SFXN5: variants seen among roughly 807,000 people sequenced by gnomAD.
SFXN5 encodes sideroflexin-5.
SFXN5 carries 43 observed loss-of-function variants against 50.2 expected under a neutral mutation model. The ratio of observed to expected loss-of-function variants is 0.86; its 90% confidence interval spans 0.67 to 1.11. The LOEUF is 1.11. Ranked by LOEUF, SFXN5 falls within the 50% of genes least tolerant of loss-of-function variation. The pLI, the probability that SFXN5 is intolerant of heterozygous loss-of-function variation, is 0.00. For synonymous variants in SFXN5, 203 were observed against 185.8 expected (o/e 1.09, Z -0.75); for missense variants, 463 against 454.1 (o/e 1.02, Z -0.18).
chr2:73,050,392 GCA>G (rs35090808), intron 2 of SFXN5, among the ~76,000 whole-genome samples: 15 of 146,564 alleles, frequency 1.0e-4, no homozygotes, highest in Non-Finnish European at 1.2e-4. Context: ...CACAGCGCAC[GCA>G]CACACACACA....
rs1450207113 is a variant in SFXN5 at position 73,000,451 on chromosome 2, C to A, written c.448G>T (p.Ala150Ser). 1 of 1,560,282 alleles carries A rather than the reference C, an allele frequency of 6.4e-7. No homozygotes were observed. The highest frequency in any genetic ancestry group is 1.2e-5 in the South Asian group (1 of 84,756). ...NQSHNACVNY[A>S]NRNATKPSPA... ...CTCACCTTGGTCGCATTGCGGTTTG[C>A]ATAGTTGACACAGGCATTGTGGCTC... is the stretch of plus-strand genomic sequence containing the variant. Residue 150 changes from alanine (A) to serine (S), a missense_variant, in exon 8 of 14, where the codon GCA (alanine) becomes TCA (serine). Physicochemically the swap from Ala to Ser is moderately conservative, Grantham distance 99. Coordinates refer to ENST00000272433, the MANE Select transcript of SFXN5 (RefSeq NM_144579.3).
At chr2:73,047,770 G>A (rs902032098) in intron 2 of SFXN5, among the ~76,000 whole-genome samples, 23 of 152,056 alleles carry the variant, frequency 1.5e-4, no homozygotes, top group African/African-American at 5.6e-4. Flanking sequence ...TCTTGAGTAT[G>A]TCCTTATTAG....
intron 2 of SFXN5, among the ~76,000 whole-genome samples, chr2:73,052,437 GTTCT>G (rs1313344851): frequency 1.3e-5 from 2 of 151,290 alleles, no homozygotes; most frequent in African/African-American, 4.9e-5. Flanking sequence ...ACATCACATA[GTTCT>G]TTGTCTTTTC....
intron 6 of SFXN5, among the ~76,000 whole-genome samples, chr2:73,011,630 G>T (rs950617324): frequency 6.6e-6 from 1 of 152,066 alleles, no homozygotes; most frequent in Admixed American, 6.5e-5. Context: ...TCAGAGAAGG[G>T]GGAATACAAA....
rs1301779181 is a variant in SFXN5 at position 72,961,106 on chromosome 2, T to C, written c.945+25A>G. 1.4e-5 allele frequency: 21 copies of C among 1,490,676 alleles called. No individual in the cohort carries two copies. In the East Asian group the frequency reaches 5.4e-4, roughly 39 times the overall value. 92.3% of individuals were successfully genotyped at this position (1,490,676 alleles called of 1,614,324 possible). The stretch of plus-strand genomic sequence containing the variant: ...CCAAACAGCACCCCCTGCCCTGCCC[T>C]GCCCTTGAGCCCCTCCCCACTGACC... On this transcript the variant is annotated intron_variant, in intron 13 of 13. Transcript: ENST00000272433. This position sits in a 1 kb window ranked among gnomAD's most constrained non-coding sequence, Gnocchi z 4.4.
intron 8 of SFXN5, among the ~76,000 whole-genome samples, chr2:72,999,817 T>C (rs970936659): frequency 2.6e-5 from 4 of 152,166 alleles, no homozygotes; most frequent in African/African-American, 9.7e-5. Flanking sequence ...CATCCTGCCT[T>C]CTTTGCCTTT....
chr2:72,974,401 A>G (rs1257322917), intron 10 of SFXN5, among the ~76,000 whole-genome samples: 1 of 152,200 alleles, frequency 6.6e-6, no homozygotes, highest in Non-Finnish European at 1.5e-5. Flanking sequence ...TGAAAGATGA[A>G]GCATGAAAGG....
chr2:73,033,130 T>G (rs1021317264), intron 3 of SFXN5, among the ~76,000 whole-genome samples: 1 of 152,242 alleles, frequency 6.6e-6, no homozygotes, highest in African/African-American at 2.4e-5. Context: ...CTGAGCCTCC[T>G]CTTCCTCATT....
chr2:73,058,828 G>T (rs889037282), intron 1 of SFXN5, among the ~76,000 whole-genome samples: 4 of 152,066 alleles, frequency 2.6e-5, no homozygotes, highest in African/African-American at 9.7e-5. Context: ...AGGCCCATCT[G>T]CTCTTCCAGG....
intron 12 of SFXN5, among the ~76,000 whole-genome samples, chr2:72,968,146 C>CAT (rs1433287041): frequency 1.1e-4 from 16 of 151,444 alleles, no homozygotes; most frequent in African/African-American, 3.4e-4. Flanking sequence ...CACACACACA[C>CAT]ACACACACAC....
At chr2:72,967,698 A>G (rs963117966) in intron 12 of SFXN5, among the ~76,000 whole-genome samples, 3 of 151,980 alleles carry the variant, frequency 2.0e-5, no homozygotes, top group Non-Finnish European at 4.4e-5. Context: ...GGGTCTCCTC[A>G]CTGTCAACTG....
At chr2:73,037,494 A>C (rs1009695154) in intron 3 of SFXN5, among the ~76,000 whole-genome samples, 6 of 152,220 alleles carry the variant, frequency 3.9e-5, no homozygotes, top group African/African-American at 1.4e-4. Context: ...GCAATTAAAA[A>C]TTTTGCCAGA....
intron 7 of SFXN5, among the ~76,000 whole-genome samples, chr2:73,001,075 C>G (rs1673848604): frequency 1.3e-5 from 2 of 152,236 alleles, no homozygotes. Flanking sequence ...AGACTGTCTC[C>G]AAGAGCAGGG....
chr2:73,028,823 T>C lies in SFXN5; in HGVS notation c.250-5609A>G, dbSNP rs141190303. Among the ~76,000 whole-genome samples, 190 of 152,186 alleles carry C rather than the reference T, an allele frequency of 1.2e-3. 1 individual carries two copies. Among genetic ancestry groups the C allele is most frequent in the African/African-American group, 4.2e-3 (175 of 41,508 alleles). Reference sequence around the variant, plus strand: ...ACTAAAGAACATTTTAAAAACACTCTAGCATCTTCAGAGCAGAAAGACATG... The same window carrying C: ...ACTAAAGAACATTTTAAAAACACTCCAGCATCTTCAGAGCAGAAAGACATG... On this transcript the variant is annotated intron_variant, in intron 3 of 13. Coordinates refer to ENST00000272433, the MANE Select transcript of SFXN5 (RefSeq NM_144579.3).
chr2:73,070,139 C>G (rs1683468080), intron 1 of SFXN5, among the ~76,000 whole-genome samples: 1 of 152,142 alleles, frequency 6.6e-6, no homozygotes, highest in Non-Finnish European at 1.5e-5. Context: ...CCTTTAAGAA[C>G]GAGCAGAATG....
chr2:72,991,686 C>A (rs952980338), intron 9 of SFXN5, among the ~76,000 whole-genome samples: 2 of 152,218 alleles, frequency 1.3e-5, no homozygotes, highest in East Asian at 3.8e-4. Context: ...GGCCCTTTGG[C>A]CTTGAACATT....
intron 13 of SFXN5, among the ~76,000 whole-genome samples, chr2:72,957,644 C>T (rs1372868913): frequency 1.3e-5 from 2 of 152,258 alleles, no homozygotes; most frequent in African/African-American, 2.4e-5. Flanking sequence ...GTGGCAAATC[C>T]CACTGGCTTC....
intron 9 of SFXN5, among the ~76,000 whole-genome samples, chr2:72,995,519 T>C (rs560192948): frequency 2.0e-5 from 3 of 152,206 alleles, no homozygotes; most frequent in African/African-American, 7.2e-5. Flanking sequence ...CAGGGAGCTC[T>C]TCAGGGCCCC....
At chr2:73,032,621 C>T (rs915176154) in intron 3 of SFXN5, among the ~76,000 whole-genome samples, 1 of 152,212 alleles carries the variant, frequency 6.6e-6, no homozygotes, top group East Asian at 1.9e-4. Context: ...GGCACACCCC[C>T]AACACCCAGA....
Sources: allele counts gnomAD v4.1 joint callset (sites outside exome capture counted in the v4.1 genomes callset), GRCh38; gene constraint gnomAD v4.1.1; non-coding constraint Gnocchi (gnomAD v3.1); transcripts MANE v1.5; gene names NCBI Gene and HGNC (gene_info 2026-07-23, HGNC 2026-07-21).